The following ST14 variants were observed in gnomAD, a reference collection of about 807,000 sequenced individuals.
ST14 encodes suppressor of tumorigenicity 14 protein.
In ST14, 40 loss-of-function variants were observed where a neutral mutation model predicts 96.5. That is an observed-to-expected ratio of 0.41 (90% CI 0.32 to 0.54). ST14 has a LOEUF of 0.54. ST14 is among the 20% of genes least tolerant of loss of function. The pLI, the probability that ST14 is intolerant of heterozygous loss-of-function variation, is 0.17. For synonymous variants in ST14, 506 were observed against 492.1 expected, an observed-to-expected ratio of 1.03 and a Z score of -0.37; for missense variants, 1,066 against 1,188.9, an observed-to-expected ratio of 0.90 and a Z score of 1.52.
At chr11:130,180,192 G>A (rs1369378044) in intron 1 of ST14, among the ~76,000 whole-genome samples, 1 of 152,178 alleles carries the variant, frequency 6.6e-6, no homozygotes, top group East Asian at 1.9e-4. Context: ...GGGCAGCACA[G>A]CTGTGTCCCT....
intron 1 of ST14, among the ~76,000 whole-genome samples, chr11:130,178,146 C>T (rs1391192549): frequency 1.3e-5 from 2 of 152,116 alleles, no homozygotes; most frequent in African/African-American, 4.8e-5. Flanking sequence ...ATAAACATTC[C>T]ACATCAAAGT....
intron 1 of ST14, among the ~76,000 whole-genome samples, chr11:130,161,398 G>C (rs1485636116): frequency 6.6e-6 from 1 of 152,214 alleles, no homozygotes; most frequent in Non-Finnish European, 1.5e-5. Context: ...AGAACCTGCT[G>C]TTTGGAATTT....
At position 130,188,402 on chromosome 11, in the gene ST14, G is replaced by A. The variant is rs1447888659; in HGVS notation, c.242-128G>A. On this transcript the variant is annotated intron_variant, in intron 2 of 18. Coordinates refer to ENST00000278742, the MANE Select transcript of ST14 (RefSeq NM_021978.4). The surrounding 1 kb of genome is among the most constrained non-coding windows in gnomAD (Gnocchi z 5.4). ...CTTGGCCTCTCTGGAACCCTGATGG[G>A]GAGTGATGGGAAGCAGTCAGGGCTG... 1.3e-6 allele frequency: 2 copies of A among 1,586,660 alleles called. No homozygotes were observed. Among genetic ancestry groups the A allele is most frequent in the Admixed American group, 3.4e-5 (2 of 59,554 alleles).
intron 1 of ST14, among the ~76,000 whole-genome samples, chr11:130,169,786 C>G (rs749033897): frequency 4.6e-5 from 7 of 152,194 alleles, no homozygotes; most frequent in Non-Finnish European, 5.9e-5. Context: ...TAATGAAAGG[C>G]ACACTAGCTC....
intron 1 of ST14, among the ~76,000 whole-genome samples, chr11:130,177,372 G>A (rs1308467933): frequency 6.6e-6 from 1 of 151,894 alleles, no homozygotes; most frequent in South Asian, 2.1e-4. Context: ...AGACCATCCT[G>A]GCAAACATGG....
At chr11:130,208,350 G>T in intron 16 of ST14, 60 bp from the exon 17 acceptor site, 2 of 1,611,282 alleles carry the variant, frequency 1.2e-6, no homozygotes, top group South Asian at 2.2e-5. Flanking sequence ...GCGCGGGGCC[G>T]CGAGGCCGTG....
chr11:130,187,992 C>A lies in ST14; in HGVS notation c.82-122C>A. The A allele has an allele frequency of 7.1e-7, 1 of 1,400,090 alleles. No homozygotes were observed. The highest frequency in any genetic ancestry group is 9.8e-7 in the Non-Finnish European group (1 of 1,024,088). 86.7% of individuals were successfully genotyped at this position (1,400,090 alleles called of 1,614,324 possible). On this transcript the variant is annotated intron_variant, in intron 1 of 18. Coordinates refer to ENST00000278742, the MANE Select transcript of ST14 (RefSeq NM_021978.4). This position sits in a 1 kb window ranked among gnomAD's most constrained non-coding sequence, Gnocchi z 4.5. ...TGCCTCTGGGGGAAGCCCCCTTCTT[C>A]TCACCCAAGCCCCTGCTTTCTTCTC...
At chr11:130,169,448 C>T (rs755469018) in intron 1 of ST14, among the ~76,000 whole-genome samples, 1 of 151,918 alleles carries the variant, frequency 6.6e-6, no homozygotes, top group African/African-American at 2.4e-5. Flanking sequence ...GACAGATTAG[C>T]GATTGTGGAG....
chr11:130,194,405 G>T, intron 8 of ST14, 117 bp downstream of exon 8: 1 of 1,442,394 alleles, frequency 6.9e-7, no homozygotes. Flanking sequence ...TGGCGAGCTG[G>T]CCTAGGTCAG....
intron 1 of ST14, among the ~76,000 whole-genome samples, chr11:130,160,995 C>G (rs1212519292): frequency 1.3e-5 from 2 of 152,152 alleles, no homozygotes; most frequent in African/African-American, 4.8e-5. Context: ...CCCTGCCAAC[C>G]CTCACTTTCT....
At position 130,181,495 on chromosome 11, in the gene ST14, A is replaced by C. The variant is rs1434680258; in HGVS notation, c.82-6619A>C. Reference sequence around the variant, plus strand: ...CACCGTTTTATGTGTGCACCTGCAAAGATGTTTACTTTTAAGAAAGAGAGA... The same window carrying C: ...CACCGTTTTATGTGTGCACCTGCAACGATGTTTACTTTTAAGAAAGAGAGA... On this transcript the variant is annotated intron_variant, in intron 1 of 18. Coordinates refer to ENST00000278742, the MANE Select transcript of ST14 (RefSeq NM_021978.4). This position sits in a 1 kb window ranked among gnomAD's most constrained non-coding sequence, Gnocchi z 4.1. 2.6e-5 allele frequency among the ~76,000 whole-genome samples: 4 copies of C among 152,174 alleles called. No homozygotes were observed. Among genetic ancestry groups the C allele is most frequent in the Admixed American group, 1.3e-4 (2 of 15,282 alleles).
intron 1 of ST14, among the ~76,000 whole-genome samples, chr11:130,164,256 G>A (rs1311980902): frequency 2.0e-5 from 3 of 152,178 alleles, no homozygotes; most frequent in Admixed American, 1.3e-4. Flanking sequence ...ATAATCGTTA[G>A]CATTTATTGA....
chr11:130,192,631 A>G (rs761746922), intron 7 of ST14, among the ~76,000 whole-genome samples: 8 of 152,274 alleles, frequency 5.3e-5, no homozygotes, highest in Non-Finnish European at 1.2e-4. Flanking sequence ...ACCTCAGGCA[A>G]TCTGCCTGCC....
chr11:130,198,094 T>C (rs1953387503), intron 12 of ST14, 149 bp downstream of exon 12: 6 of 889,536 alleles, frequency 6.7e-6, no homozygotes, highest in South Asian at 3.0e-5. Context: ...CTGGCCCCAC[T>C]CCCCACCCTG....
At chr11:130,173,076 C>CT (rs1182037358) in intron 1 of ST14, among the ~76,000 whole-genome samples, 1 of 152,180 alleles carries the variant, frequency 6.6e-6, no homozygotes, top group African/African-American at 2.4e-5. Flanking sequence ...GGGGCAAATA[C>CT]TTTTCTCTGT....
intron 7 of ST14, among the ~76,000 whole-genome samples, chr11:130,192,070 T>C (rs926392529): frequency 9.2e-5 from 14 of 152,212 alleles, no homozygotes; most frequent in Non-Finnish European, 2.1e-4. Context: ...ATACCCCACG[T>C]CAGGGTGGGG....
chr11:130,194,814 G>A, intron 9 of ST14, 77 bp downstream of exon 9: 1 of 1,364,932 alleles, frequency 7.3e-7, no homozygotes, highest in Non-Finnish European at 1.0e-6. Flanking sequence ...CTGTGCAGAT[G>A]TGTGTGGATG....
chr11:130,189,631 G>C (rs747537096), intron 4 of ST14, 108 bp from the exon 5 acceptor site: 3 of 1,442,566 alleles, frequency 2.1e-6, no homozygotes, highest in Non-Finnish European at 2.9e-6. Flanking sequence ...TCTGCAGATG[G>C]CAGGCCCAGG....
intron 1 of ST14, among the ~76,000 whole-genome samples, chr11:130,176,420 G>A (rs1307101930): frequency 2.0e-5 from 3 of 147,434 alleles, no homozygotes; most frequent in South Asian, 2.2e-4. Flanking sequence ...ACAGAGTCTC[G>A]CTGTGTTGCC....
Sources: allele counts gnomAD v4.1 joint callset (sites outside exome capture counted in the v4.1 genomes callset), GRCh38; gene constraint gnomAD v4.1.1; non-coding constraint Gnocchi (gnomAD v3.1); transcripts MANE v1.5; gene names NCBI Gene and HGNC (gene_info 2026-07-23, HGNC 2026-07-21).